The following HK1 variants were observed in gnomAD, a reference collection of about 807,000 sequenced individuals.
HK1 encodes hexokinase 1, also known as hexokinase-1.
HK1 carries 28 observed loss-of-function variants against 91.6 expected under a neutral mutation model. The observed-to-expected ratio is 0.31, with a 90% CI of 0.23 to 0.42. HK1 has a LOEUF of 0.42. Among genes scored for constraint, HK1 ranks in the 10% least tolerant of loss-of-function variants. The pLI is 1.00. For missense variants in HK1, 770 were observed against 1,219.8 expected (o/e 0.63, Z 5.49); for synonymous variants, 430 against 468.1 (o/e 0.92, Z 1.05).
intron 1 of HK1, chr10:69,338,130 C>A: frequency 1.9e-6 from 1 of 519,480 alleles, no homozygotes; most frequent in Non-Finnish European, 2.6e-6. Context: ...ACTTTGGGAG[C>A]CGCTGAGAGC....
intron 14 of HK1, among the ~76,000 whole-genome samples, chr10:69,391,703 T>C (rs1409993769): frequency 6.6e-6 from 1 of 152,232 alleles, no homozygotes; most frequent in Admixed American, 6.5e-5. Flanking sequence ...TCCCCTAATA[T>C]TTTATACACA....
chr10:69,342,516 C>T (rs1315629137), intron 1 of HK1, among the ~76,000 whole-genome samples: 1 of 152,168 alleles, frequency 6.6e-6, no homozygotes, highest in Non-Finnish European at 1.5e-5. Flanking sequence ...GCCTGGAGCA[C>T]CTACTAGGAA....
chr10:69,393,333 C>T (rs1839992479), intron 15 of HK1, among the ~76,000 whole-genome samples: 1 of 146,650 alleles, frequency 6.8e-6, no homozygotes, highest in Non-Finnish European at 1.5e-5. Flanking sequence ...GACAGAGTCT[C>T]ACCCTGTTGT....
chr10:69,362,606 A>G (rs1849490949), intron 3 of HK1, among the ~76,000 whole-genome samples: 1 of 151,860 alleles, frequency 6.6e-6, no homozygotes, highest in African/African-American at 2.4e-5. Context: ...TTCCTTCTCA[A>G]TGGTGCACTC....
chr10:69,292,311 G>A, intron 3 of HK1: 1 of 434,896 alleles, frequency 2.3e-6, no homozygotes, highest in Non-Finnish European at 4.6e-6. Flanking sequence ...GGCGTCAAGT[G>A]ATCCTCCTGC....
intron 1 of HK1, among the ~76,000 whole-genome samples, chr10:69,336,482 C>T (rs372822023): frequency 2.5e-4 from 37 of 150,976 alleles, no homozygotes; most frequent in African/African-American, 7.6e-4. Context: ...CGAGCCACCG[C>T]GCCTGGCCTA....
intron 2 of HK1, among the ~76,000 whole-genome samples, chr10:69,351,207 ATAAAT>A (rs1376809370): frequency 4.1e-5 from 6 of 147,198 alleles, no homozygotes; most frequent in African/African-American, 1.5e-4. Flanking sequence ...AAATAAATAA[ATAAAT>A]AAAACCAAAG....
At chr10:69,398,519 C>T (rs879109454) in intron 16 of HK1, 76 bp from the exon 17 acceptor site, 19 of 1,038,250 alleles carry the variant, frequency 1.8e-5, no homozygotes, top group East Asian at 1.0e-4. Flanking sequence ...GGGCGGGGGG[C>T]GTCCTTTGGA....
At chr10:69,360,443 C>G (rs184396285) in intron 3 of HK1, among the ~76,000 whole-genome samples, 1 of 152,354 alleles carries the variant, frequency 6.6e-6, no homozygotes, top group Non-Finnish European at 1.5e-5. Context: ...CACCCACTTA[C>G]TGGAGGCCCC....
In HK1 at chr10:69,398,906, C is replaced by T. The variant is rs138109637; in HGVS notation, c.2609+78C>T. 9.1e-4 allele frequency: 1,049 copies of T among 1,157,676 alleles called. 8 individuals are homozygous for T. The African/African-American group carries it at 0.013, about 15-fold the overall frequency. 71.7% of individuals were successfully genotyped at this position (1,157,676 alleles called of 1,614,324 possible). A position where few individuals can be genotyped will look rare whatever the true frequency, so the allele number is the denominator to read the frequency against. On this transcript the variant is annotated intron_variant, in intron 17 of 17. Transcript: ENST00000359426. ...TTAGGGGGTATCAGGGTGTGGTTTA[C>T]GCTGGGGAAATGCCCTGCGGGAGCC...
At chr10:69,348,230 A>C (rs1022533754) in intron 2 of HK1, among the ~76,000 whole-genome samples, 3 of 152,136 alleles carry the variant, frequency 2.0e-5, no homozygotes, top group African/African-American at 7.2e-5. Flanking sequence ...AGAAGCTTGG[A>C]TGTGCCATTA....
chr10:69,304,684 C>T (rs1249685806), intron 5 of HK1, among the ~76,000 whole-genome samples: 1 of 152,152 alleles, frequency 6.6e-6, no homozygotes, highest in Non-Finnish European at 1.5e-5. Flanking sequence ...ACAAGGACAG[C>T]TTGGAGGTTA....
At chr10:69,328,669 G>T in intron 1 of HK1, among the ~76,000 whole-genome samples, 1 of 152,056 alleles carries the variant, frequency 6.6e-6, no homozygotes, top group East Asian at 1.9e-4. Flanking sequence ...ACCATGAAAC[G>T]CATCATTGTA....
At chr10:69,359,340 T>C (rs182811594) in intron 2 of HK1, among the ~76,000 whole-genome samples, 12 of 152,340 alleles carry the variant, frequency 7.9e-5, no homozygotes, top group Non-Finnish European at 1.2e-4. Context: ...ATGTACTTAA[T>C]GCTACTGAAT....
chr10:69,345,164 A>G (rs1848488112), intron 2 of HK1, among the ~76,000 whole-genome samples: 1 of 151,970 alleles, frequency 6.6e-6, no homozygotes, highest in South Asian at 2.1e-4. Flanking sequence ...TGAGATTTGG[A>G]CGCTGATAAA....
chr10:69,318,834 G>C, upstream of HK1: 1 of 1,454,232 alleles, frequency 6.9e-7, no homozygotes, highest in East Asian at 2.9e-5. Flanking sequence ...GGGAGGAGCC[G>C]GGGGAGGAGG....
intron 2 of HK1, among the ~76,000 whole-genome samples, chr10:69,350,862 A>C (rs1175785534): frequency 1.3e-5 from 2 of 152,064 alleles, no homozygotes; most frequent in Non-Finnish European, 2.9e-5. Context: ...TCTTCATTAG[A>C]GAATGAAGCA....
chr10:69,368,758 A>T, intron 5 of HK1, 127 bp downstream of exon 5: 2 of 750,550 alleles, frequency 2.7e-6, no homozygotes, highest in Non-Finnish European at 4.7e-6. Flanking sequence ...GGCAGGGGAG[A>T]GTTGAGGGCT....
At chr10:69,334,309 C>G (rs1404752293) in intron 1 of HK1, among the ~76,000 whole-genome samples, 1 of 152,184 alleles carries the variant, frequency 6.6e-6, no homozygotes, top group African/African-American at 2.4e-5. Context: ...TGATCTCACA[C>G]AGACCTGTCA....
Sources: allele counts gnomAD v4.1 joint callset (sites outside exome capture counted in the v4.1 genomes callset), GRCh38; gene constraint gnomAD v4.1.1; transcripts MANE v1.5; gene names NCBI Gene and HGNC (gene_info 2026-07-23, HGNC 2026-07-21).